The following LINGO2 variants were observed in gnomAD, a reference collection of about 807,000 sequenced individuals.
LINGO2 encodes the protein leucine rich repeat and Ig domain containing 2, also known as leucine-rich repeat and immunoglobulin-like domain-containing nogo receptor-interacting protein 2.
In LINGO2, 14 loss-of-function variants were observed where a neutral mutation model predicts 30.6. The ratio of observed to expected loss-of-function variants is 0.46; its 90% CI spans 0.30 to 0.72. The LOEUF is 0.72. LINGO2 is among the 30% of genes least tolerant of loss of function. The pLI, the probability that LINGO2 is intolerant of heterozygous loss-of-function variation, is 0.07. For missense variants in LINGO2, 729 were observed against 751.7 expected, an observed-to-expected ratio of 0.97 and a Z score of 0.35; for synonymous variants, 317 against 288.5, an observed-to-expected ratio of 1.10 and a Z score of -1.00.
the LINGO2 span, among the ~76,000 whole-genome samples, chr9:28,890,377 T>C: frequency 2.0e-5 from 3 of 152,080 alleles, no homozygotes; most frequent in Non-Finnish European, 2.9e-5. Flanking sequence ...TTTTCCTAAA[T>C]GGGTACACAC....
At chr9:29,011,830 A>G in the LINGO2 span, among the ~76,000 whole-genome samples, 3 of 152,180 alleles carry the variant, frequency 2.0e-5, no homozygotes, top group East Asian at 5.8e-4. Flanking sequence ...CTTCATATAA[A>G]AACATTAGTC....
intron 4 of LINGO2, among the ~76,000 whole-genome samples, chr9:28,028,366 C>T (rs1823488090): frequency 6.6e-6 from 1 of 152,122 alleles, no homozygotes; most frequent in Admixed American, 6.5e-5. Context: ...CTCTACCTGT[C>T]ATAGCAACAG....
intron 3 of LINGO2, among the ~76,000 whole-genome samples, chr9:28,312,238 A>G (rs978715055): frequency 6.6e-6 from 1 of 151,310 alleles, no homozygotes; most frequent in African/African-American, 2.4e-5. Context: ...AATATTTCAA[A>G]TGGCCAGCTC....
chr9:28,289,638 C>T (rs1169066442), intron 4 of LINGO2, among the ~76,000 whole-genome samples: 2 of 152,122 alleles, frequency 1.3e-5, no homozygotes, highest in Non-Finnish European at 2.9e-5. Flanking sequence ...TTTTATCTCC[C>T]TTTTAAAAAC....
intron 1 of LINGO2, among the ~76,000 whole-genome samples, chr9:28,493,972 C>T (rs1240322300): frequency 6.6e-6 from 1 of 152,068 alleles, no homozygotes; most frequent in African/African-American, 2.4e-5. Flanking sequence ...TATTGTGGAA[C>T]CTCATCTTGT....
At chr9:28,511,938 A>C (rs1464854702) in intron 1 of LINGO2, among the ~76,000 whole-genome samples, 3 of 151,998 alleles carry the variant, frequency 2.0e-5, no homozygotes, top group Non-Finnish European at 4.4e-5. Flanking sequence ...ATCATGAAAA[A>C]CCGTCTGTGA....
At chr9:29,072,644 T>A in the LINGO2 span, among the ~76,000 whole-genome samples, 1 of 144,318 alleles carries the variant, frequency 6.9e-6, no homozygotes. Flanking sequence ...GAGTCCTAAA[T>A]AATTGGGAAT....
At chr9:28,820,953 CAA>C in the LINGO2 span, among the ~76,000 whole-genome samples, 1 of 152,208 alleles carries the variant, frequency 6.6e-6, no homozygotes, top group Non-Finnish European at 1.5e-5. Context: ...AATGAGCCTT[CAA>C]GGCTTGCTTT....
chr9:28,085,538 A>G (rs936298397), intron 4 of LINGO2, among the ~76,000 whole-genome samples: 1 of 152,138 alleles, frequency 6.6e-6, no homozygotes, highest in Non-Finnish European at 1.5e-5. Context: ...GAAAATAAAC[A>G]CTTGGGTTTG....
At chr9:28,905,997 T>G in the LINGO2 span, among the ~76,000 whole-genome samples, 11,470 of 152,112 alleles carry the variant, frequency 0.075, 530 homozygotes, top group South Asian at 0.19. Context: ...AGGAAATCCC[T>G]TCACTTGCAA....
the LINGO2 span, among the ~76,000 whole-genome samples, chr9:28,883,333 C>T: frequency 6.6e-6 from 1 of 151,704 alleles, no homozygotes; most frequent in East Asian, 2.0e-4. Flanking sequence ...CCACTGTGCC[C>T]GGCCTAGTCT....
chr9:28,020,551 CAAAA>C (rs1166422535), intron 4 of LINGO2, among the ~76,000 whole-genome samples: 1 of 141,738 alleles, frequency 7.1e-6, no homozygotes, highest in Non-Finnish European at 1.5e-5. Flanking sequence ...CAAAACAAAA[CAAAA>C]CAAAACAAAA....
At chr9:28,899,716 C>T in the LINGO2 span, among the ~76,000 whole-genome samples, 7 of 152,198 alleles carry the variant, frequency 4.6e-5, no homozygotes, top group African/African-American at 1.4e-4. Flanking sequence ...GCACACATAG[C>T]CCCAGGCTTC....
intron 2 of LINGO2, among the ~76,000 whole-genome samples, chr9:28,422,707 A>G (rs1457189282): frequency 6.6e-6 from 1 of 152,112 alleles, no homozygotes; most frequent in Non-Finnish European, 1.5e-5. Context: ...GATTTTGAAG[A>G]GACATTTGTA....
chr9:28,198,104 C>T (rs75133686), intron 4 of LINGO2, among the ~76,000 whole-genome samples: 12,531 of 149,826 alleles, frequency 0.084, 694 homozygotes, highest in East Asian at 0.2. Flanking sequence ...TCAGTTTACT[C>T]GTAGGAATTT....
At chr9:28,840,239 G>T in the LINGO2 span, among the ~76,000 whole-genome samples, 5 of 151,766 alleles carry the variant, frequency 3.3e-5, no homozygotes, top group African/African-American at 1.2e-4. Context: ...GTTGGAAGTG[G>T]GTAGGGCTCC....
At position 28,568,833 on chromosome 9, in the gene LINGO2, A is replaced by G. The variant is rs1290447538; in HGVS notation, c.-364-92808T>C. 2.0e-5 allele frequency among the ~76,000 whole-genome samples: 3 copies of G among 152,064 alleles called. No homozygotes were observed. In the East Asian group the frequency reaches 5.8e-4, roughly 29 times the overall value. On this transcript the variant is annotated intron_variant, in intron 1 of 5. Transcript: ENST00000379992. ...TTCATCAAAACTAGATCTGCCTTGG[A>G]AAAAATGCTAGACTGTTCTTCAACT...
At chr9:28,392,929 G>A (rs1202758488) in intron 2 of LINGO2, among the ~76,000 whole-genome samples, 1 of 152,220 alleles carries the variant, frequency 6.6e-6, no homozygotes, top group Non-Finnish European at 1.5e-5. Context: ...TGTAGGAAAT[G>A]TAACACTATC....
chr9:28,955,892 C>T, the LINGO2 span, among the ~76,000 whole-genome samples: 47 of 152,222 alleles, frequency 3.1e-4, no homozygotes, highest in African/African-American at 1.0e-3. Context: ...ATCCTCCCAC[C>T]TTGGCACTGG....
Sources: allele counts gnomAD v4.1 joint callset (sites outside exome capture counted in the v4.1 genomes callset), GRCh38; gene constraint gnomAD v4.1.1; transcripts MANE v1.5; gene names NCBI Gene and HGNC (gene_info 2026-07-23, HGNC 2026-07-21).